Variants in EFHC2 observed in about 807,000 individuals in gnomAD.
EFHC2 encodes EF-hand domain-containing family member C2.
In EFHC2, 18 loss-of-function variants were observed where a neutral mutation model predicts 52.7. That is an observed-to-expected ratio of 0.34 (90% CI 0.24 to 0.51). The LOEUF is 0.51. Among genes scored for constraint, EFHC2 ranks in the 20% least tolerant of loss-of-function variants. The probability of loss-of-function intolerance (pLI) is 0.97; values close to 1 mark genes in which losing one functional copy is unlikely to be tolerated. For synonymous variants in EFHC2, 203 were observed against 204.1 expected, an observed-to-expected ratio of 0.99 and a Z score of 0.04; for missense variants, 513 against 562.5, an observed-to-expected ratio of 0.91 and a Z score of 0.89.
intron 13 of EFHC2, among the ~76,000 whole-genome samples, chrX:44,170,813 A>C (rs1237686934): frequency 8.9e-6 from 1 of 112,237 alleles, no homozygotes; most frequent in East Asian, 2.8e-4. Context: ...GCCACTCTGG[A>C]GGAAATTCTT....
intron 2 of EFHC2, among the ~76,000 whole-genome samples, chrX:44,307,353 TA>T (rs1362604375): frequency 2.1e-4 from 24 of 112,410 alleles, no homozygotes; most frequent in Admixed American, 1.1e-3. Context: ...AAACGTCTTT[TA>T]TTTTTTTTGG....
chrX:44,298,635 GGCAGATCACGA>G (rs2037844996), intron 2 of EFHC2, among the ~76,000 whole-genome samples: 1 of 110,613 alleles, frequency 9.0e-6, no homozygotes, highest in Non-Finnish European at 1.9e-5. Context: ...GGCTGAGGCA[GGCAGATCACGA>G]GGTCAGCAGC....
intron 11 of EFHC2, among the ~76,000 whole-genome samples, chrX:44,216,641 C>T (rs1335828766): frequency 1.8e-5 from 2 of 111,266 alleles, no homozygotes. Context: ...ATAAATGGTG[C>T]TAGGAAAACT....
intron 2 of EFHC2, chrX:44,284,516 G>A (rs1293971816): frequency 9.0e-6 from 1 of 111,154 alleles, no homozygotes; most frequent in African/African-American, 3.3e-5. Context: ...AAAGGAAGAG[G>A]CTGTCATTAG....
intron 13 of EFHC2, among the ~76,000 whole-genome samples, chrX:44,169,443 TTTTTTA>T (rs1377564143): frequency 9.1e-6 from 1 of 110,015 alleles, no homozygotes; most frequent in Non-Finnish European, 1.9e-5. Context: ...GCCTGGCTAA[TTTTTTA>T]TTTTTATTTT....
At chrX:44,214,506 G>A (rs1345012548) in intron 11 of EFHC2, among the ~76,000 whole-genome samples, 1 of 112,122 alleles carries the variant, frequency 8.9e-6, no homozygotes, top group Non-Finnish European at 1.9e-5. Context: ...CTAAAATTCT[G>A]TATCCTGTGA....
intron 2 of EFHC2, among the ~76,000 whole-genome samples, chrX:44,294,099 G>A (rs757226127): frequency 5.0e-4 from 56 of 111,313 alleles, no homozygotes; most frequent in Non-Finnish European, 8.9e-4. Flanking sequence ...GAAGGGGGTT[G>A]GAAGGGCTTT....
At chrX:44,223,955 T>C (rs758356947) in intron 11 of EFHC2, among the ~76,000 whole-genome samples, 1 of 111,835 alleles carries the variant, frequency 8.9e-6, no homozygotes, top group East Asian at 2.8e-4. Flanking sequence ...AAAGGAGAGA[T>C]AATTGTCCTA....
intron 11 of EFHC2, among the ~76,000 whole-genome samples, chrX:44,228,656 C>T (rs1231176842): frequency 1.8e-5 from 2 of 112,045 alleles, no homozygotes; most frequent in African/African-American, 6.5e-5. Context: ...CACAAAAGAG[C>T]TTTGTTAAAA....
Position 44,282,620 on chromosome X carries a change from CGGGGGGGGGGGGGGGGTGGGGGGGGGTGG to C in EFHC2, c.232-9813_232-9785del, listed in dbSNP as rs2037712528. Among the ~76,000 whole-genome samples, 5 of 970 alleles carry C rather than the reference CGGGGGGGGGGGGGGGGTGGGGGGGGGTGG, an allele frequency of 5.2e-3. 1 individual carries two copies. The highest frequency in any genetic ancestry group is 0.011 in the Non-Finnish European group (5 of 468). 0.8% of individuals were successfully genotyped at this position (970 alleles called of 115,157 possible). On this transcript the variant is annotated intron_variant, in intron 2 of 14. Transcript: ENST00000420999. ...GACAGAGTGAGACTCCCTCTCGGGG[CGGGGGGGGGGGGGGGGTGGGGGGGGGTGG>C]GGGGGTGGGAGAGGAGGACAAAGAA...
In EFHC2 at chrX:44,163,981, C is replaced by A. The variant is rs771911461; in HGVS notation, c.2089G>T (p.Ala697Ser). ...KQIDYKSFFS[A>S]LNWRKNPVPE... ...ACTGGATTCTTTCTCCAGTTCAGGG[C>A]AGAGAAAAATGACTTATAATCTATT... The change falls in exon 14 of 15, where the codon GCC becomes TCC. Residue 697 changes from alanine to serine, a missense_variant. Coordinates refer to ENST00000420999, the MANE Select transcript of EFHC2 (RefSeq NM_025184.4). 12 of 1,162,905 alleles carry A rather than the reference C, an allele frequency of 1.0e-5. No homozygotes were observed. The Admixed American group carries it at 3.0e-4, about 29-fold the overall frequency.
chrX:44,283,388 T>G (rs1293797603), intron 2 of EFHC2, among the ~76,000 whole-genome samples: 2 of 111,446 alleles, frequency 1.8e-5, no homozygotes, highest in Non-Finnish European at 3.8e-5. Context: ...TTCACCGTGT[T>G]AGCCAGGATG....
At chrX:44,278,833 G>C (rs775879790) in intron 2 of EFHC2, among the ~76,000 whole-genome samples, 1 of 112,117 alleles carries the variant, frequency 8.9e-6, no homozygotes, top group East Asian at 2.8e-4. Flanking sequence ...AGTTTTTCCT[G>C]TTTCTTTGGA....
chrX:44,310,070 T>C lies in EFHC2; in HGVS notation c.231+2498A>G, dbSNP rs1165938533. The C allele has an allele frequency of 9.2e-6, 7 of 763,949 alleles. No homozygotes were observed. In the African/African-American group the frequency reaches 1.2e-4, roughly 13 times the overall value. The allele number at this position is 763,949 out of a possible 1,213,427, so 63.0% of individuals were successfully genotyped here. On this transcript the variant is annotated intron_variant, in intron 2 of 14. Coordinates refer to ENST00000420999, the MANE Select transcript of EFHC2 (RefSeq NM_025184.4). The stretch of plus-strand genomic sequence containing the variant: ...AATTTTCATTTATTATGCCATCACT[T>C]GCTGCAAAGAAAACCAGAACATGGG...
chrX:44,312,593 G>A lies in EFHC2; in HGVS notation c.206C>T (p.Pro69Leu), dbSNP rs761215283. The A allele has an allele frequency of 2.7e-5, 32 of 1,204,398 alleles. No individual in the cohort carries two copies. Among genetic ancestry groups the A allele is most frequent in the Non-Finnish European group, 3.6e-5 (32 of 892,556 alleles). ...IYPKGDGSDV[P>L]SWVAFDKQVL... ...CTGTTTATCAAAGGCTACCCATGAT[G>A]GTACATCACTTCCATCTCCTTTAGG... The change falls in exon 2 of 15, where the codon CCA becomes CTA. Residue 69 changes from proline to leucine, a missense_variant. By Grantham distance (98) the Pro-to-Leu change is moderately conservative. Transcript: ENST00000420999.
Position 44,229,571 on chromosome X carries a change from T to C in EFHC2, c.1751+78A>G, listed in dbSNP as rs781714246. Reference sequence around the variant, plus strand: ...TCCTAATAAAAAATAGTTAACTGATTAGGAAAGAAATAGTTCTCTCTGTTC... The same window carrying C: ...TCCTAATAAAAAATAGTTAACTGATCAGGAAAGAAATAGTTCTCTCTGTTC... On this transcript the variant is annotated intron_variant, in intron 11 of 14. Coordinates refer to ENST00000420999, the MANE Select transcript of EFHC2 (RefSeq NM_025184.4). The C allele has an allele frequency of 8.2e-5, 92 of 1,127,367 alleles. No individual in the cohort carries two copies. The South Asian group carries it at 1.7e-3, about 21-fold the overall frequency. 92.9% of individuals were successfully genotyped at this position (1,127,367 alleles called of 1,213,427 possible).
chrX:44,343,628 G>GT lies in EFHC2; in HGVS notation c.-41_-40insA. ...GAAAATCCAGGGTCCCAGAAGAGAG[G>GT]GCCCGGCAGGCAGCGGCGCCTCCCG... On this transcript the variant is annotated 5_prime_UTR_variant, in exon 1 of 15. Coordinates refer to ENST00000420999, the MANE Select transcript of EFHC2 (RefSeq NM_025184.4). 1 of 1,087,305 alleles carries GT rather than the reference G, an allele frequency of 9.2e-7. No homozygotes were observed. Among genetic ancestry groups the GT allele is most frequent in the Non-Finnish European group, 1.2e-6 (1 of 836,870 alleles). 89.6% of individuals were successfully genotyped at this position (1,087,305 alleles called of 1,213,427 possible). A position where few individuals can be genotyped will look rare whatever the true frequency, so the allele number is the denominator to read the frequency against.
At chrX:44,189,952 G>C (rs917224178) in intron 11 of EFHC2, among the ~76,000 whole-genome samples, 3 of 111,491 alleles carry the variant, frequency 2.7e-5, no homozygotes, top group Non-Finnish European at 1.9e-5. Context: ...GAGTGAGAAA[G>C]TCTGAAATAT....
intron 1 of EFHC2, among the ~76,000 whole-genome samples, chrX:44,322,075 A>G (rs1232630084): frequency 1.0e-5 from 1 of 98,891 alleles, no homozygotes; most frequent in African/African-American, 3.9e-5. Context: ...CCCCAGCTGT[A>G]TCACCAGGGC....
Sources: allele counts gnomAD v4.1 joint callset (sites outside exome capture counted in the v4.1 genomes callset), GRCh38; gene constraint gnomAD v4.1.1; transcripts MANE v1.5; gene names NCBI Gene and HGNC (gene_info 2026-07-23, HGNC 2026-07-21).